PTPRO: variants seen among roughly 807,000 people sequenced by gnomAD.
PTPRO encodes the protein receptor-type tyrosine-protein phosphatase O.
In PTPRO, 62 loss-of-function variants were observed where a neutral mutation model predicts 145.2. That is an observed-to-expected ratio of 0.43 (90% CI 0.35 to 0.53). The LOEUF (loss-of-function observed/expected upper bound fraction) is 0.53, where lower values mean the gene tolerates loss of function less well. Ranked by LOEUF, PTPRO falls within the 20% of genes least tolerant of loss-of-function variation. PTPRO has a pLI of 0.01. For synonymous variants in PTPRO, 565 were observed against 514.7 expected (o/e 1.10, Z -1.32); for missense variants, 1,345 against 1,482.7 (o/e 0.91, Z 1.53).
chr12:15,350,247 A>G (rs1287995151), intron 1 of PTPRO, among the ~76,000 whole-genome samples: 1 of 152,218 alleles, frequency 6.6e-6, no homozygotes, highest in African/African-American at 2.4e-5. Flanking sequence ...GCTGACTACC[A>G]GACTGGGGGT....
intron 7 of PTPRO, among the ~76,000 whole-genome samples, chr12:15,512,195 A>G (rs1475269170): frequency 6.6e-6 from 1 of 151,810 alleles, no homozygotes; most frequent in African/African-American, 2.4e-5. Context: ...GCTCACTGCA[A>G]CCTCCACCTC....
intron 1 of PTPRO, among the ~76,000 whole-genome samples, chr12:15,324,071 G>C (rs1237204180): frequency 6.6e-6 from 1 of 152,094 alleles, no homozygotes. Flanking sequence ...AATAAGCTCA[G>C]TTATATGTTT....
At chr12:15,568,607 A>G (rs1293819512) in intron 18 of PTPRO, among the ~76,000 whole-genome samples, 5 of 152,164 alleles carry the variant, frequency 3.3e-5, no homozygotes, top group Admixed American at 3.3e-4. Flanking sequence ...TACTTTAGAG[A>G]GCAAATTGGT....
At chr12:15,424,628 G>C (rs1005735471) in intron 1 of PTPRO, among the ~76,000 whole-genome samples, 1 of 151,950 alleles carries the variant, frequency 6.6e-6, no homozygotes, top group Non-Finnish European at 1.5e-5. Flanking sequence ...CAAATAATGG[G>C]TGCATGAAAG....
intron 1 of PTPRO, among the ~76,000 whole-genome samples, chr12:15,468,687 A>G (rs1941472352): frequency 6.6e-6 from 1 of 152,236 alleles, no homozygotes; most frequent in East Asian, 1.9e-4. Context: ...CCACAGACTC[A>G]AAACACCACT....
chr12:15,336,701 A>G (rs1395105976), intron 1 of PTPRO, among the ~76,000 whole-genome samples: 4 of 152,190 alleles, frequency 2.6e-5, no homozygotes, highest in Admixed American at 6.5e-5. Context: ...ATCTCTTCAT[A>G]GAAGACAAAT....
chr12:15,421,176 A>G (rs1940134175), intron 1 of PTPRO, among the ~76,000 whole-genome samples: 1 of 152,184 alleles, frequency 6.6e-6, no homozygotes, highest in Non-Finnish European at 1.5e-5. Context: ...GACTTTCTAC[A>G]TAGAACCACA....
chr12:15,481,394 A>G (rs1408209039), intron 1 of PTPRO, among the ~76,000 whole-genome samples: 1 of 152,234 alleles, frequency 6.6e-6, no homozygotes, highest in Non-Finnish European at 1.5e-5. Flanking sequence ...AGCTGAAACC[A>G]AGAACTTCCC....
At chr12:15,351,946 A>T (rs988265887) in intron 1 of PTPRO, among the ~76,000 whole-genome samples, 2 of 152,222 alleles carry the variant, frequency 1.3e-5, no homozygotes, top group African/African-American at 4.8e-5. Context: ...ATAACTGTGG[A>T]TGCTCTTCAC....
chr12:15,551,520 T>C, intron 14 of PTPRO, 31 bp from the exon 15 acceptor site: 1 of 1,610,814 alleles, frequency 6.2e-7, no homozygotes, highest in Non-Finnish European at 8.5e-7. Context: ...TAAGAGAACC[T>C]ATGATGAAAA....
intron 23 of PTPRO, among the ~76,000 whole-genome samples, chr12:15,586,335 G>A (rs1944428914): frequency 6.6e-6 from 1 of 152,188 alleles, no homozygotes; most frequent in Non-Finnish European, 1.5e-5. Flanking sequence ...GGCATGAACA[G>A]CACCATGGTA....
At chr12:15,400,824 A>G (rs967620737) in intron 1 of PTPRO, among the ~76,000 whole-genome samples, 4 of 152,230 alleles carry the variant, frequency 2.6e-5, no homozygotes, top group African/African-American at 7.2e-5. Context: ...AACACTAAGT[A>G]TCCTCACTAA....
At chr12:15,533,056 A>G (rs6488783) in intron 12 of PTPRO, among the ~76,000 whole-genome samples, 62,868 of 151,958 alleles carry the variant, frequency 0.41, 13,283 homozygotes, top group Admixed American at 0.47. Context: ...TGCCTCAGGA[A>G]TATGAGTCAA....
At chr12:15,329,838 G>A (rs970718064) in intron 1 of PTPRO, among the ~76,000 whole-genome samples, 2 of 152,172 alleles carry the variant, frequency 1.3e-5, no homozygotes, top group Non-Finnish European at 2.9e-5. Context: ...CTATTTAGTG[G>A]TTTGGGAAAT....
At chr12:15,435,691 ATG>A (rs1173595304) in intron 1 of PTPRO, among the ~76,000 whole-genome samples, 2 of 152,076 alleles carry the variant, frequency 1.3e-5, no homozygotes, top group Non-Finnish European at 2.9e-5. Flanking sequence ...TTTCTGAGAA[ATG>A]TTGGTCCATA....
At chr12:15,355,649 G>GC (rs1182138936) in intron 1 of PTPRO, among the ~76,000 whole-genome samples, 2 of 152,054 alleles carry the variant, frequency 1.3e-5, no homozygotes, top group African/African-American at 2.4e-5. Flanking sequence ...TTGAAATTTT[G>GC]CCCCCCAAAA....
chr12:15,415,577 G>T (rs575043219), intron 1 of PTPRO, among the ~76,000 whole-genome samples: 1,925 of 151,506 alleles, frequency 0.013, 23 homozygotes, highest in Non-Finnish European at 0.019. Flanking sequence ...GTAGAGACGG[G>T]GTTTCACTCA....
chr12:15,357,147 A>T (rs1430550744), intron 1 of PTPRO, among the ~76,000 whole-genome samples: 2 of 152,238 alleles, frequency 1.3e-5, no homozygotes, highest in Non-Finnish European at 2.9e-5. Flanking sequence ...TTCTCTTAGC[A>T]GCTCTGCTGC....
chr12:15,467,413 T>A (rs1941440968), intron 1 of PTPRO, among the ~76,000 whole-genome samples: 1 of 145,518 alleles, frequency 6.9e-6, no homozygotes, highest in Non-Finnish European at 1.5e-5. Flanking sequence ...GGGGTGAGTG[T>A]GTGTGTGTGT....
Sources: allele counts gnomAD v4.1 joint callset (sites outside exome capture counted in the v4.1 genomes callset), GRCh38; gene constraint gnomAD v4.1.1; transcripts MANE v1.5; gene names NCBI Gene and HGNC (gene_info 2026-07-23, HGNC 2026-07-21).